Variants in GRID2 observed in about 807,000 individuals in gnomAD.
The protein encoded by GRID2 is glutamate ionotropic receptor delta type subunit 2.
A neutral mutation model predicts 114.8 loss-of-function variants in GRID2; 33 were observed. The ratio of observed to expected loss-of-function variants is 0.29; its 90% CI spans 0.22 to 0.38. GRID2 has a LOEUF of 0.38. Among genes scored for constraint, GRID2 ranks in the 10% least tolerant of loss-of-function variants. GRID2 has a pLI of 1.00. For synonymous variants in GRID2, 505 were observed against 449.9 expected, an observed-to-expected ratio of 1.12 and a Z score of -1.55; for missense variants, 1,184 against 1,257.7, an observed-to-expected ratio of 0.94 and a Z score of 0.89.
At chr4:93,308,190 C>T (rs906070986) in intron 8 of GRID2, among the ~76,000 whole-genome samples, 3 of 152,142 alleles carry the variant, frequency 2.0e-5, no homozygotes, top group African/African-American at 7.2e-5. Flanking sequence ...CTGCATACCC[C>T]CTTTCCTTCC....
intron 13 of GRID2, among the ~76,000 whole-genome samples, chr4:93,546,254 G>A (rs926987324): frequency 5.3e-5 from 8 of 152,124 alleles, no homozygotes; most frequent in South Asian, 4.1e-4. Flanking sequence ...TTATTCGAGC[G>A]CCAAGTGTAA....
intron 2 of GRID2, among the ~76,000 whole-genome samples, chr4:92,709,025 G>C (rs775631519): frequency 3.3e-5 from 5 of 152,208 alleles, no homozygotes; most frequent in East Asian, 1.9e-4. Flanking sequence ...CTCACAGGCT[G>C]AGAGTTGGTG....
chr4:92,940,403 T>C (rs1418129569), intron 2 of GRID2, among the ~76,000 whole-genome samples: 1 of 148,088 alleles, frequency 6.8e-6, no homozygotes, highest in African/African-American at 2.4e-5. Flanking sequence ...TTGTGATTTT[T>C]TGTACATTGA....
rs116415027 is a variant in GRID2, at chr4:93,429,712, T to C, written c.1545+6744T>C. Among the ~76,000 whole-genome samples the C allele has an allele frequency of 5.7e-3, 869 of 152,254 alleles. 7 individuals are homozygous for C. Among genetic ancestry groups the C allele is most frequent in the African/African-American group, 0.02 (827 of 41,556 alleles). On this transcript the variant is annotated intron_variant, in intron 10 of 15. Transcript: ENST00000282020. ...AAAAAGGAGGAATAAGTGGACTAAA[T>C]TATAAATCTGTAAAATTAGGATAAA...
At chr4:92,367,364 CAATG>C (rs1254040383) in intron 1 of GRID2, among the ~76,000 whole-genome samples, 1 of 151,918 alleles carries the variant, frequency 6.6e-6, no homozygotes, top group African/African-American at 2.4e-5. Context: ...CAGGAAAAAT[CAATG>C]GATGGATGTT....
At chr4:92,425,960 A>G (rs1360281212) in intron 1 of GRID2, among the ~76,000 whole-genome samples, 1 of 152,034 alleles carries the variant, frequency 6.6e-6, no homozygotes. Flanking sequence ...TTAGCTTTCT[A>G]TAGCTCTCTC....
At chr4:92,456,393 G>C (rs1273073143) in intron 1 of GRID2, among the ~76,000 whole-genome samples, 1 of 151,980 alleles carries the variant, frequency 6.6e-6, no homozygotes, top group Non-Finnish European at 1.5e-5. Context: ...ATATTGAATG[G>C]TTTATATATA....
At chr4:93,274,314 A>G (rs537272146) in intron 8 of GRID2, among the ~76,000 whole-genome samples, 1 of 152,262 alleles carries the variant, frequency 6.6e-6, no homozygotes, top group Admixed American at 6.6e-5. Context: ...CACCAAAGGC[A>G]CTTCGGGGTT....
chr4:92,729,721 C>T (rs1192564568), intron 2 of GRID2, among the ~76,000 whole-genome samples: 1 of 151,932 alleles, frequency 6.6e-6, no homozygotes, highest in Non-Finnish European at 1.5e-5. Flanking sequence ...AGTTTACCTG[C>T]TAATCAGTAT....
intron 2 of GRID2, among the ~76,000 whole-genome samples, chr4:92,746,837 T>C (rs1367320711): frequency 6.6e-6 from 1 of 152,100 alleles, no homozygotes; most frequent in East Asian, 1.9e-4. Context: ...AAATTACATG[T>C]CACTCTCTCT....
At chr4:93,336,851 CTTTG>C (rs541467120) in intron 8 of GRID2, among the ~76,000 whole-genome samples, 21 of 151,982 alleles carry the variant, frequency 1.4e-4, no homozygotes, top group Non-Finnish European at 2.4e-4. Flanking sequence ...TTTTCTATTT[CTTTG>C]TTTGGTTCTT....
chr4:92,593,504 A>C (rs1285145965), intron 2 of GRID2, among the ~76,000 whole-genome samples: 1 of 151,902 alleles, frequency 6.6e-6, no homozygotes, highest in African/African-American at 2.4e-5. Context: ...GCTACAGTAC[A>C]TTTTTGGATA....
rs554217080 is a variant in GRID2 at position 93,323,608 on chromosome 4, A to G, written c.1246-71999A>G. On this transcript the variant is annotated intron_variant, in intron 8 of 15. Transcript: ENST00000282020. ...GAAAGTCATTGGTAGCTTGATTGGGATGGCATTTAATGTATAAATTTCCTT... is the reference window on the plus strand; with the variant it reads ...GAAAGTCATTGGTAGCTTGATTGGGGTGGCATTTAATGTATAAATTTCCTT... Among the ~76,000 whole-genome samples the G allele has an allele frequency of 1.2e-4, 19 of 152,240 alleles. 1 individual carries two copies. The East Asian group carries it at 3.3e-3, about 26-fold the overall frequency.
intron 2 of GRID2, among the ~76,000 whole-genome samples, chr4:92,763,529 G>C (rs899250370): frequency 6.6e-6 from 1 of 152,144 alleles, no homozygotes; most frequent in Admixed American, 6.5e-5. Flanking sequence ...ATTAGGTATT[G>C]CAAGTAATCT....
intron 1 of GRID2, among the ~76,000 whole-genome samples, chr4:92,368,445 C>A (rs887609112): frequency 6.6e-6 from 1 of 152,046 alleles, no homozygotes; most frequent in African/African-American, 2.4e-5. Context: ...GTAATATTGA[C>A]AATTAATGGC....
intron 10 of GRID2, among the ~76,000 whole-genome samples, chr4:93,443,915 G>T (rs1721856795): frequency 6.9e-6 from 1 of 145,570 alleles, no homozygotes; most frequent in Admixed American, 6.7e-5. Flanking sequence ...GAGAGAGAGA[G>T]ACATCTTTCT....
chr4:92,965,104 C>T (rs747014829), intron 2 of GRID2, among the ~76,000 whole-genome samples: 2 of 151,708 alleles, frequency 1.3e-5, no homozygotes, highest in African/African-American at 2.4e-5. Flanking sequence ...ATGTAGAGAC[C>T]ATTTGCAGAG....
chr4:93,224,874 C>A, intron 7 of GRID2, 99 bp downstream of exon 7: 1 of 832,900 alleles, frequency 1.2e-6, no homozygotes, highest in Non-Finnish European at 1.9e-6. Context: ...AAATTCTAAG[C>A]ACAAAACAGT....
chr4:92,453,749 T>C (rs948175992), intron 1 of GRID2, among the ~76,000 whole-genome samples: 1 of 152,186 alleles, frequency 6.6e-6, no homozygotes. Flanking sequence ...CGGCTTACCT[T>C]TTAATTTTCC....
Sources: gnomAD v4.1 joint callset for allele counts (sites outside exome capture counted in the v4.1 genomes callset) on GRCh38, gnomAD v4.1.1 for gene constraint, MANE v1.5 for transcripts, NCBI Gene and HGNC (gene_info 2026-07-23, HGNC 2026-07-21) for gene names.